The following CRPPA variants were observed in gnomAD, a reference collection of about 807,000 sequenced individuals.
CRPPA encodes CDP-L-ribitol pyrophosphorylase A, also known as D-ribitol-5-phosphate cytidylyltransferase.
A neutral mutation model predicts 52.0 loss-of-function variants in CRPPA; 43 were observed. The observed-to-expected ratio is 0.83, with a 90% CI of 0.65 to 1.07. CRPPA has a LOEUF of 1.07. CRPPA is among the 50% of genes least tolerant of loss of function. The pLI, the probability that CRPPA is intolerant of heterozygous loss-of-function variation, is 0.00. For missense variants in CRPPA, 629 were observed against 551.7 expected, an observed-to-expected ratio of 1.14 and a Z score of -1.40; for synonymous variants, 250 against 203.5, an observed-to-expected ratio of 1.23 and a Z score of -1.94.
intron 9 of CRPPA, among the ~76,000 whole-genome samples, chr7:16,095,609 A>G (rs1781920968): frequency 6.6e-6 from 1 of 152,166 alleles, no homozygotes; most frequent in Non-Finnish European, 1.5e-5. Context: ...TAACATATGC[A>G]TGTCTATAAT....
At chr7:16,289,071 GAAC>G in intron 5 of CRPPA, among the ~76,000 whole-genome samples, 1 of 152,054 alleles carries the variant, frequency 6.6e-6, no homozygotes, top group South Asian at 2.1e-4. Flanking sequence ...AAATTATTAT[GAAC>G]AACTATATGC....
At chr7:16,168,828 C>T (rs2128384592) in intron 9 of CRPPA, among the ~76,000 whole-genome samples, 1 of 152,214 alleles carries the variant, frequency 6.6e-6, no homozygotes, top group African/African-American at 2.4e-5. Flanking sequence ...TTTATTTACA[C>T]AAGCATTAAT....
intron 9 of CRPPA, among the ~76,000 whole-genome samples, chr7:16,140,297 A>G (rs1386046274): frequency 6.6e-6 from 1 of 151,550 alleles, no homozygotes; most frequent in Non-Finnish European, 1.5e-5. Context: ...ACAGGCATGC[A>G]CCACCATGCC....
At chr7:16,392,715 C>A (rs1171391982) in intron 2 of CRPPA, among the ~76,000 whole-genome samples, 1 of 152,034 alleles carries the variant, frequency 6.6e-6, no homozygotes, top group Non-Finnish European at 1.5e-5. Context: ...ATTATGAAAA[C>A]TTCCTAATAG....
chr7:16,155,543 G>C (rs1201608116), intron 9 of CRPPA, among the ~76,000 whole-genome samples: 1 of 152,208 alleles, frequency 6.6e-6, no homozygotes, highest in Non-Finnish European at 1.5e-5. Flanking sequence ...TGAAGATGAT[G>C]AGGATAAAGA....
Position 16,089,313 on chromosome 7 carries a change from TGC to T in CRPPA, c.*2380_*2381del, listed in dbSNP as rs1228248585. The T allele has an allele frequency of 2.5e-6, 1 of 399,592 alleles. No homozygotes were observed. Among genetic ancestry groups the T allele is most frequent in the Non-Finnish European group, 5.2e-6 (1 of 191,010 alleles). The allele number at this position is 399,592 out of a possible 1,614,324, so 24.8% of individuals were successfully genotyped here. On this transcript the variant is annotated 3_prime_UTR_variant, in exon 10 of 10. Transcript: ENST00000407010. ...GTACGTATATACATATATGTGTGTA[TGC>T]GTACGTATATAAATATATGTGTGTA...
chr7:16,344,867 G>T (rs1462500856), intron 3 of CRPPA, among the ~76,000 whole-genome samples: 2 of 151,596 alleles, frequency 1.3e-5, no homozygotes, highest in African/African-American at 4.8e-5. Context: ...GGATAATAAT[G>T]AAGCATGCCA....
intron 9 of CRPPA, among the ~76,000 whole-genome samples, chr7:16,123,191 G>C (rs749975366): frequency 6.6e-5 from 10 of 152,162 alleles, no homozygotes; most frequent in Non-Finnish European, 1.5e-4. Context: ...AGTTTAATAT[G>C]CTTGAAATTT....
intron 9 of CRPPA, among the ~76,000 whole-genome samples, chr7:16,155,509 C>T (rs1450603700): frequency 6.6e-6 from 1 of 152,216 alleles, no homozygotes; most frequent in African/African-American, 2.4e-5. Flanking sequence ...GTAAGACCAA[C>T]TCTCCTCTTC....
chr7:16,392,293 C>A (rs1787465923), intron 2 of CRPPA, among the ~76,000 whole-genome samples: 1 of 152,036 alleles, frequency 6.6e-6, no homozygotes, highest in Admixed American at 6.6e-5. Context: ...TTTCCCAAAC[C>A]AAAATAGAAA....
At chr7:16,342,763 C>CAAAAAAAAA (rs368521163) in intron 3 of CRPPA, among the ~76,000 whole-genome samples, 26 of 64,938 alleles carry the variant, frequency 4.0e-4, no homozygotes, top group African/African-American at 6.6e-4. Flanking sequence ...CCTGTCTCCA[C>CAAAAAAAAA]AAAAAAAAAA....
intron 4 of CRPPA, 142 bp from the exon 5 acceptor site, chr7:16,301,608 A>G: frequency 1.8e-6 from 1 of 546,392 alleles, no homozygotes; most frequent in African/African-American, 1.9e-5. Context: ...GAAAAGCATC[A>G]GCAAATTCAC....
At chr7:16,143,506 C>T (rs991697700) in intron 9 of CRPPA, among the ~76,000 whole-genome samples, 2 of 152,182 alleles carry the variant, frequency 1.3e-5, no homozygotes, top group Non-Finnish European at 2.9e-5. Context: ...AACAAGGTCA[C>T]TGCCTGTACA....
At chr7:16,112,049 T>A (rs1210860680) in intron 9 of CRPPA, among the ~76,000 whole-genome samples, 2 of 152,206 alleles carry the variant, frequency 1.3e-5, no homozygotes, top group Non-Finnish European at 2.9e-5. Context: ...TTGCCGTGGC[T>A]GATGCCTGTA....
intron 1 of CRPPA, among the ~76,000 whole-genome samples, chr7:16,413,107 A>C (rs372682830): frequency 2.0e-5 from 3 of 152,276 alleles, no homozygotes; most frequent in Non-Finnish European, 4.4e-5. Context: ...CCTTCACGGA[A>C]ACTTGGCCTC....
chr7:16,165,754 T>C (rs1488193490), intron 9 of CRPPA, among the ~76,000 whole-genome samples: 1 of 152,240 alleles, frequency 6.6e-6, no homozygotes, highest in Non-Finnish European at 1.5e-5. Flanking sequence ...CCAGTTACAC[T>C]GTTATAAAAA....
rs1324591619 is a variant in CRPPA at position 16,134,174 on chromosome 7, G to A, written c.1252-42375C>T. ...TCTCAATCCCCTGACCTCGTGATCC[G>A]CCCGCCTCGGCCCCCTAAAGTGCTG... On this transcript the variant is annotated intron_variant, in intron 9 of 9. Transcript: ENST00000407010. 1.6e-5 allele frequency among the ~76,000 whole-genome samples: 2 copies of A among 124,446 alleles called. 1 individual carries two copies. Among genetic ancestry groups the A allele is most frequent in the African/African-American group, 5.2e-5 (2 of 38,494 alleles). 81.6% of individuals were successfully genotyped at this position (124,446 alleles called of 152,430 possible).
chr7:16,212,484 G>A (rs182255970), intron 9 of CRPPA, among the ~76,000 whole-genome samples: 11 of 152,234 alleles, frequency 7.2e-5, no homozygotes, highest in Admixed American at 1.3e-4. Flanking sequence ...TGATCAAGAC[G>A]TCTGACAAAA....
At chr7:16,126,159 C>T (rs991541829) in intron 9 of CRPPA, among the ~76,000 whole-genome samples, 5 of 152,114 alleles carry the variant, frequency 3.3e-5, no homozygotes, top group Middle Eastern at 6.8e-3. Context: ...TGCCAGTCTT[C>T]GAAGTAAGTA....
Sources: gnomAD v4.1 joint callset for allele counts (sites outside exome capture counted in the v4.1 genomes callset) on GRCh38, gnomAD v4.1.1 for gene constraint, MANE v1.5 for transcripts, NCBI Gene and HGNC (gene_info 2026-07-23, HGNC 2026-07-21) for gene names.